RPS6KB2: variants seen among roughly 807,000 people sequenced by gnomAD.
RPS6KB2 encodes ribosomal protein S6 kinase B2.
In RPS6KB2, 51 loss-of-function variants were observed where a neutral mutation model predicts 58.2. The ratio of observed to expected loss-of-function variants is 0.88; its 90% CI spans 0.70 to 1.11. The LOEUF (loss-of-function observed/expected upper bound fraction) is 1.11. Among genes scored for constraint, RPS6KB2 ranks in the 50% least tolerant of loss-of-function variants. The probability of loss-of-function intolerance (pLI) is 0.00; values close to 1 mark genes in which losing one functional copy is unlikely to be tolerated. For missense variants in RPS6KB2, 671 were observed against 655.8 expected (o/e 1.02, Z -0.25); for synonymous variants, 293 against 258.6 (o/e 1.13, Z -1.28).
rs1864102529 is a variant in RPS6KB2 at position 67,433,211 on chromosome 11, G to A, written c.793G>A (p.Gly265Arg). 2 of 1,606,408 alleles carry A rather than the reference G, an allele frequency of 1.2e-6. No homozygotes were observed. The highest frequency in any genetic ancestry group is 1.3e-5 in the African/African-American group (1 of 74,834). ...GGCCCTGATGTACGACATGCTCACT[G>A]GATCGGCAAGTCCAGCCCCCGGGGA... ...LGALMYDMLT[G>R]SPPFTAENRK... The change falls in exon 9 of 15, where the codon GGA becomes AGA. Residue 265 changes from glycine (G) to arginine (R), a missense_variant. Coordinates refer to ENST00000312629, the MANE Select transcript of RPS6KB2 (RefSeq NM_003952.3).
rs769886648 is a variant in RPS6KB2, at chr11:67,432,929, G to T, written c.617-23G>T. 5 of 1,612,168 alleles carry T rather than the reference G, an allele frequency of 3.1e-6. No individual in the cohort carries two copies. The South Asian group carries it at 5.5e-5, about 18-fold the overall frequency. ...GTGGGTGGGGTGGGGCCCTGGTCAC[G>T]CCTCTCCAACACCCTTCCTCAGGCC... On this transcript the variant is annotated intron_variant, in intron 7 of 14. Coordinates refer to ENST00000312629, the MANE Select transcript of RPS6KB2 (RefSeq NM_003952.3).
At chr11:67,434,765 G>C in intron 14 of RPS6KB2, 71 bp downstream of exon 14, 1 of 1,289,998 alleles carries the variant, frequency 7.8e-7, no homozygotes. Context: ...TCCAGCCTTG[G>C]GTGCCTTGGC....
rs1170183599 is a variant in RPS6KB2 at position 67,434,219 on chromosome 11, A to G, written c.991A>G (p.Met331Val). ...ACAGAGACATCCCTTTTTCCGGCACATGAATTGGGACGACCTTCTGGCCTG... is the reference window on the plus strand; with the variant it reads ...ACAGAGACATCCCTTTTTCCGGCACGTGAATTGGGACGACCTTCTGGCCTG... ...DVQRHPFFRH[M>V]NWDDLLAWRV... The change falls in exon 12 of 15, where the codon ATG becomes GTG. Residue 331 changes from methionine (M) to valine (V), a missense_variant. Physicochemically the swap from Met to Val is conservative, Grantham distance 21. Transcript: ENST00000312629. The G allele has an allele frequency of 1.9e-5, 31 of 1,613,896 alleles. No homozygotes were observed. The East Asian group carries it at 4.0e-4, about 21-fold the overall frequency.
At chr11:67,434,801 C>T (rs965616384) in intron 14 of RPS6KB2, 107 bp downstream of exon 14, 54 of 1,047,024 alleles carry the variant, frequency 5.2e-5, no homozygotes, top group East Asian at 9.5e-5. Flanking sequence ...GTGTTGGCTT[C>T]GGTTGCTGTG....
At position 67,435,364 on chromosome 11, in the gene RPS6KB2, T is replaced by C; in HGVS notation, c.*195T>C. The C allele has an allele frequency of 1.6e-6, 1 of 625,966 alleles. No individual in the cohort carries two copies. Among genetic ancestry groups the C allele is most frequent in the Non-Finnish European group, 2.7e-6 (1 of 365,014 alleles). The allele number at this position is 625,966 out of a possible 1,614,324, so 38.8% of individuals were successfully genotyped here. A position where few individuals can be genotyped will look rare whatever the true frequency, so the allele number is the denominator to read the frequency against. ...GAGGGCCGCCCGCCACGCCCCGCGCTCAACTGCTCCCGTGGAAGATTAAAG... is the reference window on the plus strand; with the variant it reads ...GAGGGCCGCCCGCCACGCCCCGCGCCCAACTGCTCCCGTGGAAGATTAAAG... On this transcript the variant is annotated 3_prime_UTR_variant, in exon 15 of 15. Coordinates refer to ENST00000312629, the MANE Select transcript of RPS6KB2 (RefSeq NM_003952.3).
chr11:67,433,875 G>A, intron 10 of RPS6KB2, 120 bp from the exon 11 acceptor site: 1 of 1,101,122 alleles, frequency 9.1e-7, no homozygotes, highest in Non-Finnish European at 1.4e-6. Flanking sequence ...CCATAGGTGG[G>A]AGCCACACCC....
chr11:67,432,662 G>C lies in RPS6KB2; in HGVS notation c.515+5G>C, dbSNP rs1326551408. 1 of 1,614,030 alleles carries C rather than the reference G, an allele frequency of 6.2e-7. No homozygotes were observed. The highest frequency in any genetic ancestry group is 8.5e-7 in the Non-Finnish European group (1 of 1,179,998). On this transcript the variant is annotated splice_donor_5th_base_variant and intron_variant, in intron 6 of 14. Transcript: ENST00000312629. ...CTTCCTGGAAGATACGGCCTGGTGG[G>C]TGTTAATCCTCCGCTTTCCTGAGGC... is the stretch of plus-strand genomic sequence containing the variant.
At chr11:67,429,822 A>AT (rs930594757) in intron 4 of RPS6KB2, 463 of 469,932 alleles carry the variant, frequency 9.9e-4, no homozygotes, top group East Asian at 1.3e-3. Context: ...ATTTTATTTT[A>AT]TTTTTTTTTA....
At chr11:67,433,881 C>A in intron 10 of RPS6KB2, 114 bp from the exon 11 acceptor site, 1 of 1,182,918 alleles carries the variant, frequency 8.5e-7, no homozygotes, top group Non-Finnish European at 1.2e-6. Flanking sequence ...GTGGGAGCCA[C>A]ACCCAAAAGC....
Position 67,433,975 on chromosome 11 carries a change from C to CCT in RPS6KB2, c.907-14_907-13dup, listed in dbSNP as rs371472081. ...GAGCAGTACTTGCCCAGGCCCTCAC[C>CCT]CTCTCTCCTGGTCCCGCAGTTTCTG... is the stretch of plus-strand genomic sequence containing the variant. On this transcript the variant is annotated intron_variant, in intron 10 of 14. Coordinates refer to ENST00000312629, the MANE Select transcript of RPS6KB2 (RefSeq NM_003952.3). The CCT allele has an allele frequency of 3.1e-6, 5 of 1,614,066 alleles. No homozygotes were observed. Among genetic ancestry groups the CCT allele is most frequent in the African/African-American group, 2.7e-5 (2 of 75,062 alleles).
chr11:67,432,223 CTCTGT>C (rs1367234710), intron 5 of RPS6KB2: 9 of 476,740 alleles, frequency 1.9e-5, no homozygotes, highest in Non-Finnish European at 3.7e-5. Flanking sequence ...ACCGCGCTTT[CTCTGT>C]TCTGTTCTGT....
chr11:67,431,645 T>C, intron 5 of RPS6KB2, 130 bp downstream of exon 5: 8 of 740,924 alleles, frequency 1.1e-5, no homozygotes, highest in Non-Finnish European at 1.8e-5. Flanking sequence ...CACTCTGTCC[T>C]ACCCATCCAT....
At position 67,429,579 on chromosome 11, in the gene RPS6KB2, T is replaced by TTC; in HGVS notation, c.293_294insTC (p.Met98IlefsTer5). On this transcript the variant is annotated frameshift_variant, in exon 4 of 15. Transcript: ENST00000312629. LOFTEE classifies it high-confidence loss of function. The stretch of plus-strand genomic sequence containing the variant: ...ACCAACTTGGGCAAAATATATGCCA[T>TTC]GAAAGTCCTAAGGAAGGTGAGTCAC... 6.2e-7 allele frequency: 1 copy of TTC among 1,612,640 alleles called. No individual in the cohort carries two copies. The highest frequency in any genetic ancestry group is 8.5e-7 in the Non-Finnish European group (1 of 1,179,462).
chr11:67,429,326 T>A (rs1863949492), intron 3 of RPS6KB2, 86 bp downstream of exon 3: 4 of 1,557,620 alleles, frequency 2.6e-6, no homozygotes, highest in Non-Finnish European at 3.5e-6. Context: ...GACTTGTGAA[T>A]CAGCAGGGCC....
At chr11:67,429,082 A>G (rs906432148) in intron 2 of RPS6KB2, 38 bp from the exon 3 acceptor site, 3 of 1,613,594 alleles carry the variant, frequency 1.9e-6, no homozygotes, top group Admixed American at 3.3e-5. Context: ...ACTGGGGAGC[A>G]CTGGAGCCTT....
Position 67,429,519 on chromosome 11 carries a change from C to T in RPS6KB2, c.241-8C>T, listed in dbSNP as rs749400034. ...AGGGAAGTTGATCCTGTCTCCCCTG[C>T]CCTACAGGTGTTCCAGGTGCGAAAG... is the stretch of plus-strand genomic sequence containing the variant. On this transcript the variant is annotated splice_region_variant and splice_polypyrimidine_tract_variant and intron_variant, in intron 3 of 14. Coordinates refer to ENST00000312629, the MANE Select transcript of RPS6KB2 (RefSeq NM_003952.3). 1.9e-6 allele frequency: 3 copies of T among 1,611,620 alleles called. No homozygotes were observed. The highest frequency in any genetic ancestry group is 3.3e-5 in the Admixed American group (2 of 59,794).
rs752270217 is a variant in RPS6KB2 at position 67,434,690 on chromosome 11, G to A, written c.1264G>A (p.Val422Ile). The A allele has an allele frequency of 4.9e-5, 79 of 1,601,488 alleles. No individual in the cohort carries two copies. The highest frequency in any genetic ancestry group is 2.7e-4 in the East Asian group (12 of 44,674). Residue 422 changes from valine to isoleucine, a missense_variant, in exon 14 of 15, where the codon GTC becomes ATC. By Grantham distance (29) the Val-to-Ile change is conservative. Transcript: ENST00000312629. ...RRLNSSPRAP[V>I]SPLKFSPFEG... ...CCTCAACAGTAGCCCCCGGGCCCCC[G>A]TCAGGTACTGAGGGACGTGGGGGTG...
Position 67,431,476 on chromosome 11 carries a change from A to G in RPS6KB2, c.418A>G (p.Thr140Ala), listed in dbSNP as rs746223041. 1 of 1,614,036 alleles carries G rather than the reference A, an allele frequency of 6.2e-7. No homozygotes were observed. Among genetic ancestry groups the G allele is most frequent in the South Asian group, 1.1e-5 (1 of 91,066 alleles). The change falls in exon 5 of 15, where the codon ACT (threonine) becomes GCT (alanine). Residue 140 changes from threonine (T) to alanine (A), a missense_variant. Physicochemically the swap from Thr to Ala is moderately conservative, Grantham distance 58. Coordinates refer to ENST00000312629, the MANE Select transcript of RPS6KB2 (RefSeq NM_003952.3). ...FIVELAYAFQ[T>A]GGKLYLILEC... is the part of the protein sequence containing the mutation. ...TGTGGAACTGGCCTATGCCTTCCAG[A>G]CTGGTGGCAAACTCTACCTCATCCT...
chr11:67,429,898 C>T (rs1321308467), intron 4 of RPS6KB2: 1 of 275,912 alleles, frequency 3.6e-6, no homozygotes, highest in Non-Finnish European at 7.0e-6. Context: ...ACTGCCACCT[C>T]TGTCTCCCAG....
Sources: gnomAD v4.1 joint callset for allele counts on GRCh38, gnomAD v4.1.1 for gene constraint, MANE v1.5 for transcripts, NCBI Gene and HGNC (gene_info 2026-07-23, HGNC 2026-07-21) for gene names.